Variants in GFRA1 observed in about 807,000 individuals in gnomAD.
GFRA1 encodes GDNF family receptor alpha 1, also known as GDNF family receptor alpha-1.
GFRA1 carries 16 observed loss-of-function variants against 51.6 expected under a neutral mutation model. The ratio of observed to expected loss-of-function variants is 0.31; its 90% CI spans 0.21 to 0.47. The LOEUF is 0.47. Among genes scored for constraint, GFRA1 ranks in the 20% least tolerant of loss-of-function variants. The pLI, the probability that GFRA1 is intolerant of heterozygous loss-of-function variation, is 1.00. For synonymous variants in GFRA1, 270 were observed against 241.3 expected (o/e 1.12, Z -1.10); for missense variants, 530 against 594.3 (o/e 0.89, Z 1.13).
chr10:116,095,331 A>T (rs1349677693), intron 7 of GFRA1, among the ~76,000 whole-genome samples: 1 of 152,256 alleles, frequency 6.6e-6, no homozygotes, highest in Non-Finnish European at 1.5e-5. Flanking sequence ...AGATGCAGCT[A>T]GAGTTGAGTT....
intron 5 of GFRA1, among the ~76,000 whole-genome samples, chr10:116,199,203 T>C (rs1199592078): frequency 2.0e-5 from 3 of 152,204 alleles, no homozygotes; most frequent in African/African-American, 4.8e-5. Flanking sequence ...TAATCCTTTA[T>C]TATAGCATCC....
At chr10:116,219,777 G>A (rs919282059) in intron 4 of GFRA1, among the ~76,000 whole-genome samples, 10 of 152,266 alleles carry the variant, frequency 6.6e-5, no homozygotes, top group African/African-American at 1.2e-4. Flanking sequence ...AAGAAATTAC[G>A]TTATAGCTGT....
intron 5 of GFRA1, among the ~76,000 whole-genome samples, chr10:116,166,855 A>G (rs537694447): frequency 8.3e-6 from 1 of 120,924 alleles, no homozygotes; most frequent in South Asian, 2.8e-4. Flanking sequence ...GCTGGAGTGC[A>G]GCGGTGCGAT....
intron 5 of GFRA1, among the ~76,000 whole-genome samples, chr10:116,172,053 C>A (rs1272652437): frequency 6.6e-6 from 1 of 152,150 alleles, no homozygotes; most frequent in Non-Finnish European, 1.5e-5. Flanking sequence ...ACGTCAAGTC[C>A]TTCCACGGTG....
At chr10:116,202,436 T>C (rs1367119226) in intron 5 of GFRA1, among the ~76,000 whole-genome samples, 1 of 152,164 alleles carries the variant, frequency 6.6e-6, no homozygotes, top group Non-Finnish European at 1.5e-5. Context: ...TAGAAGACTG[T>C]GTGGAAATGA....
At chr10:116,248,182 G>A (rs957416580) in intron 4 of GFRA1, among the ~76,000 whole-genome samples, 9 of 152,114 alleles carry the variant, frequency 5.9e-5, no homozygotes, top group African/African-American at 2.2e-4. Flanking sequence ...ATGTGGCCTG[G>A]GTGTGGCAAG....
At chr10:116,183,601 C>A (rs2134284152) in intron 5 of GFRA1, among the ~76,000 whole-genome samples, 1 of 152,310 alleles carries the variant, frequency 6.6e-6, no homozygotes, top group East Asian at 1.9e-4. Context: ...TAGAGAACAG[C>A]ACTGCTGGTT....
chr10:116,089,215 G>A (rs1031648011), intron 9 of GFRA1, among the ~76,000 whole-genome samples: 1 of 152,110 alleles, frequency 6.6e-6, no homozygotes, highest in Admixed American at 6.6e-5. Flanking sequence ...TCCTCCTACT[G>A]CCAAAGAGCA....
chr10:116,225,688 C>A (rs1482692618), intron 4 of GFRA1, among the ~76,000 whole-genome samples: 1 of 151,102 alleles, frequency 6.6e-6, no homozygotes, highest in Non-Finnish European at 1.5e-5. Flanking sequence ...CTCCCAAGTT[C>A]AAGCAATTCT....
chr10:116,113,119 C>T (rs1957277120), intron 6 of GFRA1, among the ~76,000 whole-genome samples: 1 of 151,896 alleles, frequency 6.6e-6, no homozygotes, highest in Admixed American at 6.6e-5. Context: ...TCTCTCTCTC[C>T]CAGCCACCTT....
intron 4 of GFRA1, among the ~76,000 whole-genome samples, chr10:116,247,753 GC>G (rs111864588): frequency 2.0e-5 from 3 of 152,054 alleles, no homozygotes; most frequent in African/African-American, 7.2e-5. Context: ...ATCACTCTCT[GC>G]CCCCTACCCT....
intron 5 of GFRA1, among the ~76,000 whole-genome samples, chr10:116,134,097 T>C (rs993121564): frequency 3.3e-5 from 5 of 152,194 alleles, no homozygotes; most frequent in Non-Finnish European, 7.4e-5. Flanking sequence ...TGAGGTAGAA[T>C]AAAACAGTAA....
intron 5 of GFRA1, among the ~76,000 whole-genome samples, chr10:116,160,190 G>T (rs79616578): frequency 0.031 from 4,695 of 152,230 alleles, 216 homozygotes; most frequent in African/African-American, 0.11. Context: ...AAATAATGTG[G>T]CAGGAAACAT....
chr10:116,178,300 G>GAGGC (rs36018500), intron 5 of GFRA1, among the ~76,000 whole-genome samples: 3 of 41,202 alleles, frequency 7.3e-5, no homozygotes, highest in Non-Finnish European at 1.6e-4. Context: ...ACAAGGGGCC[G>GAGGC]GGGGGGCGTT....
At chr10:116,216,374 G>GGCA (rs1445422668) in intron 4 of GFRA1, among the ~76,000 whole-genome samples, 1 of 152,150 alleles carries the variant, frequency 6.6e-6, no homozygotes. Context: ...CTATTGCTTT[G>GGCA]TTTTATGAGG....
At chr10:116,213,164 ACT>A (rs1411113739) in intron 4 of GFRA1, among the ~76,000 whole-genome samples, 2 of 152,178 alleles carry the variant, frequency 1.3e-5, no homozygotes, top group African/African-American at 4.8e-5. Flanking sequence ...CACTTCTAGG[ACT>A]CTAATCTAAT....
intron 5 of GFRA1, among the ~76,000 whole-genome samples, chr10:116,185,076 A>G (rs1400495165): frequency 6.6e-6 from 1 of 152,148 alleles, no homozygotes; most frequent in African/African-American, 2.4e-5. Context: ...TAAGGAGAGA[A>G]TCTTGTTCTA....
At chr10:116,247,500 C>T (rs1016580679) in intron 4 of GFRA1, among the ~76,000 whole-genome samples, 1 of 152,174 alleles carries the variant, frequency 6.6e-6, no homozygotes, top group Non-Finnish European at 1.5e-5. Flanking sequence ...GTCTCTAAGG[C>T]CCTGTGGCCA....
At chr10:116,196,674 T>C (rs1217420029) in intron 5 of GFRA1, among the ~76,000 whole-genome samples, 2 of 41,662 alleles carry the variant, frequency 4.8e-5, no homozygotes, top group Non-Finnish European at 8.1e-5. Context: ...ATATATAATA[T>C]ATATAATATA....
Sources: allele counts gnomAD v4.1 joint callset (sites outside exome capture counted in the v4.1 genomes callset), GRCh38; gene constraint gnomAD v4.1.1; transcripts MANE v1.5; gene names NCBI Gene and HGNC (gene_info 2026-07-23, HGNC 2026-07-21).